The following CHEK1 variants were observed in gnomAD, a reference collection of about 807,000 sequenced individuals.
CHEK1 encodes serine/threonine-protein kinase Chk1.
Under a neutral mutation model 60.2 loss-of-function variants are expected in CHEK1, and 32 were observed. The ratio of observed to expected loss-of-function variants is 0.53; its 90% CI spans 0.40 to 0.71. The LOEUF (loss-of-function observed/expected upper bound fraction) is 0.71, where lower values mean the gene tolerates loss of function less well. Among genes scored for constraint, CHEK1 ranks in the 30% least tolerant of loss-of-function variants. The probability of loss-of-function intolerance (pLI) is 0.00; values close to 1 mark genes in which losing one functional copy is unlikely to be tolerated. For synonymous variants in CHEK1, 179 were observed against 187.2 expected (o/e 0.96, Z 0.36); for missense variants, 399 against 564.6 (o/e 0.71, Z 2.97).
In CHEK1 at chr11:125,637,428, TGTC is replaced by T; in HGVS notation, c.719-18_719-16del. 1.3e-6 allele frequency: 2 copies of T among 1,582,580 alleles called. No homozygotes were observed. Among genetic ancestry groups the T allele is most frequent in the African/African-American group, 1.4e-5 (1 of 73,710 alleles). Reference sequence around the variant, plus strand: ...TCTAACATGATTCTTTCGTGAATGTTGTCGTAATGTTTGTTTTTAGCTCTGCTG... The same window carrying T: ...TCTAACATGATTCTTTCGTGAATGTTGTAATGTTTGTTTTTAGCTCTGCTG... On this transcript the variant is annotated intron_variant, in intron 7 of 12. Coordinates refer to ENST00000438015, the MANE Select transcript of CHEK1 (RefSeq NM_001114122.3).
At chr11:125,680,344 T>C (rs555144), downstream of CHEK1, among the ~76,000 whole-genome samples, 117,525 of 152,138 alleles carry the variant, frequency 0.77, 45,520 homozygotes, top group African/African-American at 0.84. Context: ...CTGAACACAT[T>C]ACATCTTCCC....
chr11:125,664,332 C>G (rs1942063159), intron 13 of CHEK1, among the ~76,000 whole-genome samples: 1 of 149,404 alleles, frequency 6.7e-6, no homozygotes, highest in Non-Finnish European at 1.5e-5. Flanking sequence ...CTCCTGGGTT[C>G]AAGCAATTCT....
At chr11:125,680,846 CTG>C, downstream of CHEK1, 2 of 1,388,174 alleles carry the variant, frequency 1.4e-6, no homozygotes, top group Non-Finnish European at 2.0e-6. Context: ...ATGAAGCAAA[CTG>C]CGAGCAAAAG....
chr11:125,668,904 A>T (rs79598447), intron 13 of CHEK1, among the ~76,000 whole-genome samples: 11,598 of 152,070 alleles, frequency 0.076, 524 homozygotes, highest in African/African-American at 0.12. Flanking sequence ...GTATTTTTTA[A>T]ATTCTTTTTT....
Position 125,675,958 on chromosome 11 carries a change from A to C in CHEK1, c.*58A>C, listed in dbSNP as rs556856876. 6.9e-4 allele frequency: 110 copies of C among 158,408 alleles called. 1 individual carries two copies. The highest frequency in any genetic ancestry group is 1.2e-3 in the Non-Finnish European group (84 of 71,900). The allele number at this position is 158,408 out of a possible 1,614,324, so 9.8% of individuals were successfully genotyped here. On this transcript the variant is annotated 3_prime_UTR_variant, in exon 14 of 14. Coordinates refer to the CHEK1 transcript ENST00000428830. ...GTTTCACTCTTGTCTCCCAGGCTGG[A>C]GTACAATGGCATGATCTCAGCTTAC...
In CHEK1 at chr11:125,625,205, A is replaced by T. The variant is rs1940532836; in HGVS notation, c.-828A>T. 4.4e-6 allele frequency: 1 copy of T among 227,562 alleles called. No individual in the cohort carries two copies. The highest frequency in any genetic ancestry group is 2.2e-5 in the African/African-American group (1 of 45,130). 14.1% of individuals were successfully genotyped at this position (227,562 alleles called of 1,614,324 possible). A position where few individuals can be genotyped will look rare whatever the true frequency, so the allele number is the denominator to read the frequency against. On this transcript the variant is annotated 5_prime_UTR_variant, in exon 1 of 13. It adds an upstream start codon to the 5' untranslated region. Transcript: ENST00000438015. ...GTTCTTTGCACATTAAAAATGAAAA[A>T]GTTTGTAGAACTAAGCTAAGCAGAT...
chr11:125,654,533 CTG>C (rs1271064654), intron 12 of CHEK1, among the ~76,000 whole-genome samples: 4 of 151,938 alleles, frequency 2.6e-5, no homozygotes, highest in African/African-American at 9.7e-5. Context: ...TATAATAATT[CTG>C]TGATTGCTAT....
downstream of CHEK1, among the ~76,000 whole-genome samples, chr11:125,679,463 C>A (rs1200566273): frequency 1.3e-5 from 2 of 152,250 alleles, no homozygotes; most frequent in East Asian, 3.9e-4. Flanking sequence ...AGTGATCCGC[C>A]CGCCTCAGCC....
At position 125,629,464 on chromosome 11, in the gene CHEK1, A is replaced by C; in HGVS notation, c.424+4A>C. 6.3e-7 allele frequency: 1 copy of C among 1,597,296 alleles called. No homozygotes were observed. The highest frequency in any genetic ancestry group is 2.2e-5 in the East Asian group (1 of 44,686). Reference sequence around the variant, plus strand: ...AATCTTCTGTTGGATGAAAGGGGTAAGTTTAGCATTTTATCACTACCTAAA... The same window carrying C: ...AATCTTCTGTTGGATGAAAGGGGTACGTTTAGCATTTTATCACTACCTAAA... On this transcript the variant is annotated splice_donor_region_variant and intron_variant, in intron 5 of 12. Coordinates refer to ENST00000438015, the MANE Select transcript of CHEK1 (RefSeq NM_001114122.3).
downstream of CHEK1, chr11:125,676,297 C>G (rs1942503843): frequency 3.1e-6 from 5 of 1,591,028 alleles, no homozygotes; most frequent in Middle Eastern, 5.0e-4. Flanking sequence ...TCCAACTGCC[C>G]CCTACCAGAA....
intron 13 of CHEK1, among the ~76,000 whole-genome samples, chr11:125,671,095 C>T (rs549467980): frequency 6.6e-5 from 10 of 152,068 alleles, no homozygotes; most frequent in Non-Finnish European, 1.2e-4. Flanking sequence ...TTTGTAGAGA[C>T]GGGGTCTTGC....
chr11:125,628,867 A>G (rs1256522469), intron 3 of CHEK1, among the ~76,000 whole-genome samples: 1 of 152,214 alleles, frequency 6.6e-6, no homozygotes, highest in East Asian at 1.9e-4. Context: ...CCCCTTTGGC[A>G]TTATATTTCA....
downstream of CHEK1, chr11:125,677,903 G>C (rs765396396): frequency 1.2e-6 from 2 of 1,613,836 alleles, no homozygotes; most frequent in Non-Finnish European, 1.7e-6. Flanking sequence ...GTTCACCGGA[G>C]CCATGTTCAC....
At chr11:125,679,060 T>C (rs1262286855), downstream of CHEK1, among the ~76,000 whole-genome samples, 1 of 143,782 alleles carries the variant, frequency 7.0e-6, no homozygotes, top group African/African-American at 2.6e-5. Context: ...CTTCATGGAG[T>C]TGTCCTGAGT....
chr11:125,625,655 T>G lies in CHEK1; in HGVS notation c.-378T>G, dbSNP rs1028887035. 1 of 600,820 alleles carries G rather than the reference T, an allele frequency of 1.7e-6. No homozygotes were observed. The highest frequency in any genetic ancestry group is 1.9e-5 in the African/African-American group (1 of 54,030). The allele number at this position is 600,820 out of a possible 1,614,324, so 37.2% of individuals were successfully genotyped here. A position where few individuals can be genotyped will look rare whatever the true frequency, so the allele number is the denominator to read the frequency against. On this transcript the variant is annotated 5_prime_UTR_variant, in exon 1 of 13. Transcript: ENST00000438015. ...CGCAGCGCGGTCGGTCGCGCGCCCC[T>G]GAGGCTTGGAGGCCTGGGCTTCCCC... is the stretch of plus-strand genomic sequence containing the variant.
chr11:125,672,622 G>C, intron 13 of CHEK1: 1 of 1,613,998 alleles, frequency 6.2e-7, no homozygotes, highest in Non-Finnish European at 8.5e-7. Context: ...GATTGATTTC[G>C]ACAGCATATA....
chr11:125,658,573 C>G (rs1941958257), downstream of CHEK1, among the ~76,000 whole-genome samples: 1 of 151,390 alleles, frequency 6.6e-6, no homozygotes, highest in South Asian at 2.1e-4. Context: ...TTAGACCTTT[C>G]CTCTGTCTAT....
At chr11:125,648,975 C>T (rs11220172) in intron 11 of CHEK1, among the ~76,000 whole-genome samples, 1 of 152,204 alleles carries the variant, frequency 6.6e-6, no homozygotes, top group East Asian at 1.9e-4. Context: ...CTATCATACC[C>T]AGCTAACTTT....
intron 6 of CHEK1, among the ~76,000 whole-genome samples, chr11:125,635,052 G>C (rs1941014093): frequency 1.3e-5 from 2 of 151,850 alleles, no homozygotes; most frequent in Non-Finnish European, 2.9e-5. Context: ...TGACCTCTTG[G>C]GTTCAAGTGA....
Sources: gnomAD v4.1 joint callset for allele counts (sites outside exome capture counted in the v4.1 genomes callset) on GRCh38, gnomAD v4.1.1 for gene constraint, MANE v1.5 for transcripts, NCBI Gene and HGNC (gene_info 2026-07-23, HGNC 2026-07-21) for gene names.